Variants in FOXP2 observed in about 807,000 individuals in gnomAD.
FOXP2 encodes forkhead box P2.
Under a neutral mutation model 115.8 loss-of-function variants are expected in FOXP2, and 12 were observed. That is an observed-to-expected ratio of 0.10 (90% CI 0.07 to 0.17). The LOEUF (loss-of-function observed/expected upper bound fraction) is 0.17, where lower values mean the gene tolerates loss of function less well. Among genes scored for constraint, FOXP2 ranks in the 10% least tolerant of loss-of-function variants. The probability of loss-of-function intolerance (pLI) is 1.00; values close to 1 mark genes in which losing one functional copy is unlikely to be tolerated. For missense variants in FOXP2, 629 were observed against 843.5 expected (o/e 0.75, Z 3.15); for synonymous variants, 328 against 297.7 (o/e 1.10, Z -1.05).
chr7:114,092,239 T>G (rs1799556952), intron 1 of FOXP2, among the ~76,000 whole-genome samples: 1 of 152,094 alleles, frequency 6.6e-6, no homozygotes, highest in East Asian at 1.9e-4. Flanking sequence ...AAAATTTATT[T>G]AAGTTTTTAG....
intron 1 of FOXP2, among the ~76,000 whole-genome samples, chr7:114,240,470 C>T (rs1445196964): frequency 6.6e-6 from 1 of 151,822 alleles, no homozygotes; most frequent in Non-Finnish European, 1.5e-5. Flanking sequence ...TAATTTATTA[C>T]CTTTAAAATA....
In FOXP2 at chr7:114,690,625, CATT is replaced by C. The variant is rs896170425; in HGVS notation, c.*702_*704del. On this transcript the variant is annotated 3_prime_UTR_variant, in exon 17 of 17. Coordinates refer to ENST00000350908, the MANE Select transcript of FOXP2 (RefSeq NM_014491.4). ...GATGTAAAGTGCAATCCTAAGCTAA[CATT>C]ATCTGTGCAAGCACCATAGAAACAT... 8.8e-6 allele frequency: 4 copies of C among 454,154 alleles called. No homozygotes were observed. Among genetic ancestry groups the C allele is most frequent in the Admixed American group, 7.0e-5 (3 of 42,556 alleles). The allele number at this position is 454,154 out of a possible 1,614,324, so 28.1% of individuals were successfully genotyped here.
At chr7:114,645,123 C>T (rs1805805539) in intron 8 of FOXP2, 1 of 113,358 alleles carries the variant, frequency 8.8e-6, no homozygotes, top group African/African-American at 3.7e-5. Context: ...TTATGTGAGT[C>T]ATCCTAATAT....
intron 1 of FOXP2, among the ~76,000 whole-genome samples, chr7:114,262,862 G>A (rs985224338): frequency 1.3e-5 from 2 of 152,116 alleles, no homozygotes; most frequent in Middle Eastern, 3.4e-3. Context: ...TTTATTTTTA[G>A]GTTTTTCTTT....
intron 3 of FOXP2, among the ~76,000 whole-genome samples, chr7:114,616,319 C>T (rs1447133080): frequency 1.3e-5 from 2 of 152,056 alleles, no homozygotes; most frequent in African/African-American, 4.8e-5. Flanking sequence ...TGTGCCACCA[C>T]ACCTGGCTAA....
chr7:114,223,355 G>T (rs138565588), intron 1 of FOXP2, among the ~76,000 whole-genome samples: 2 of 151,552 alleles, frequency 1.3e-5, no homozygotes, highest in Non-Finnish European at 2.9e-5. Flanking sequence ...TACTAATCAG[G>T]TTGATCAGCT....
At chr7:114,578,153 C>T (rs915012641) in intron 3 of FOXP2, among the ~76,000 whole-genome samples, 2 of 151,836 alleles carry the variant, frequency 1.3e-5, no homozygotes, top group Non-Finnish European at 2.9e-5. Context: ...CTTCCCTATC[C>T]TTGTTGCCTG....
chr7:114,397,340 A>C (rs887399159), intron 2 of FOXP2, among the ~76,000 whole-genome samples: 6 of 152,214 alleles, frequency 3.9e-5, no homozygotes, highest in Non-Finnish European at 7.3e-5. Flanking sequence ...AGAGCATTGA[A>C]CAAGACAGAT....
At chr7:114,309,150 T>C (rs1797083602) in intron 2 of FOXP2, among the ~76,000 whole-genome samples, 1 of 152,202 alleles carries the variant, frequency 6.6e-6, no homozygotes, top group African/African-American at 2.4e-5. Flanking sequence ...CAATGTATCC[T>C]TCTGAGATAA....
At chr7:114,136,659 A>G (rs1349021399) in intron 1 of FOXP2, among the ~76,000 whole-genome samples, 1 of 151,766 alleles carries the variant, frequency 6.6e-6, no homozygotes, top group African/African-American at 2.4e-5. Context: ...GGCCATTTAG[A>G]TAAATGAGTC....
At chr7:114,280,292 C>G (rs1310255303) in intron 1 of FOXP2, among the ~76,000 whole-genome samples, 1 of 152,072 alleles carries the variant, frequency 6.6e-6, no homozygotes, top group Non-Finnish European at 1.5e-5. Flanking sequence ...ACCTTTGAAT[C>G]AGAATTCATC....
At chr7:114,480,581 A>G (rs561780371) in intron 2 of FOXP2, among the ~76,000 whole-genome samples, 4 of 150,424 alleles carry the variant, frequency 2.7e-5, no homozygotes, top group African/African-American at 7.3e-5. Context: ...AAATATATGT[A>G]TATATACATA....
chr7:114,405,672 A>G (rs1358333903), intron 2 of FOXP2, among the ~76,000 whole-genome samples: 2 of 151,874 alleles, frequency 1.3e-5, no homozygotes, highest in Non-Finnish European at 3.0e-5. Flanking sequence ...AGGGTAAATG[A>G]AAATGGGTGT....
intron 1 of FOXP2, among the ~76,000 whole-genome samples, chr7:114,231,831 C>CA (rs1794882452): frequency 6.6e-6 from 1 of 152,030 alleles, no homozygotes; most frequent in East Asian, 1.9e-4. Context: ...GATATGACAC[C>CA]AAAAACACTG....
chr7:114,604,642 T>C (rs1372395973), intron 3 of FOXP2, among the ~76,000 whole-genome samples: 2 of 152,234 alleles, frequency 1.3e-5, no homozygotes, highest in Non-Finnish European at 2.9e-5. Context: ...TCAAACATTC[T>C]GGTTTGCCTA....
chr7:114,220,692 A>AT (rs1015807513), intron 1 of FOXP2, among the ~76,000 whole-genome samples: 5 of 152,146 alleles, frequency 3.3e-5, no homozygotes, highest in African/African-American at 7.2e-5. Context: ...CTATTCAAGA[A>AT]TTTTTTAGTC....
At chr7:114,332,231 A>G (rs1797731345) in intron 2 of FOXP2, among the ~76,000 whole-genome samples, 1 of 151,888 alleles carries the variant, frequency 6.6e-6, no homozygotes, top group Non-Finnish European at 1.5e-5. Context: ...TGCAGCTTTT[A>G]TTGTTATTTA....
At position 114,415,326 on chromosome 7, in the gene FOXP2, A is replaced by G. The variant is rs1469843936; in HGVS notation, c.-45A>G. 2.2e-6 allele frequency: 1 copy of G among 452,590 alleles called. No individual in the cohort carries two copies. Among genetic ancestry groups the G allele is most frequent in the African/African-American group, 2.0e-5 (1 of 49,744 alleles). 28.0% of individuals were successfully genotyped at this position (452,590 alleles called of 1,614,324 possible). A position where few individuals can be genotyped will look rare whatever the true frequency, so the allele number is the denominator to read the frequency against. ...TCTTTAACAAACTCCTATGAAGTTG[A>G]AACCGGGAAGTTTGCTCTAACATTT... On this transcript the variant is annotated 5_prime_UTR_variant, in exon 1 of 17. Coordinates refer to ENST00000350908, the MANE Select transcript of FOXP2 (RefSeq NM_014491.4).
At chr7:114,168,853 T>A (rs1200228336) in intron 1 of FOXP2, among the ~76,000 whole-genome samples, 1 of 152,176 alleles carries the variant, frequency 6.6e-6, no homozygotes, top group East Asian at 1.9e-4. Context: ...GCCTAGGGAC[T>A]TGATGCCCTG....
Sources: gnomAD v4.1 joint callset for allele counts (sites outside exome capture counted in the v4.1 genomes callset) on GRCh38, gnomAD v4.1.1 for gene constraint, MANE v1.5 for transcripts, NCBI Gene and HGNC (gene_info 2026-07-23, HGNC 2026-07-21) for gene names.